Variants in PSAP observed in about 807,000 individuals in gnomAD.
PSAP encodes the protein precursor of saposins.
Under a neutral mutation model 66.0 loss-of-function variants are expected in PSAP, and 25 were observed. The ratio of observed to expected loss-of-function variants is 0.38; its 90% CI spans 0.28 to 0.53. The LOEUF is 0.53. Among genes scored for constraint, PSAP ranks in the 20% least tolerant of loss-of-function variants. The pLI, the probability that PSAP is intolerant of heterozygous loss-of-function variation, is 0.83. For synonymous variants in PSAP, 273 were observed against 258.9 expected (o/e 1.05, Z -0.52); for missense variants, 649 against 668.8 (o/e 0.97, Z 0.33).
At chr10:71,822,324 G>A in intron 7 of PSAP, 1 of 433,014 alleles carries the variant, frequency 2.3e-6, no homozygotes, top group South Asian at 2.1e-5. Flanking sequence ...CACCTGGTCT[G>A]TTCTAGAATG....
intron 1 of PSAP, among the ~76,000 whole-genome samples, chr10:71,841,883 G>A (rs1485799824): frequency 6.6e-6 from 1 of 151,978 alleles, no homozygotes; most frequent in African/African-American, 2.4e-5. Flanking sequence ...GCACACACCT[G>A]TGGTCCCAGC....
intron 6 of PSAP, among the ~76,000 whole-genome samples, chr10:71,826,549 T>C (rs1275829034): frequency 6.6e-6 from 1 of 152,162 alleles, no homozygotes; most frequent in Non-Finnish European, 1.5e-5. Flanking sequence ...AATGAATGAA[T>C]GTTCACCTGA....
chr10:71,830,194 A>G (rs1207281581), intron 4 of PSAP, among the ~76,000 whole-genome samples: 1 of 152,064 alleles, frequency 6.6e-6, no homozygotes, highest in Non-Finnish European at 1.5e-5. Context: ...CCCTCATTCT[A>G]TCCTGCCCAA....
chr10:71,824,041 A>G, intron 7 of PSAP: 1 of 551,690 alleles, frequency 1.8e-6, no homozygotes, highest in East Asian at 6.8e-5. Flanking sequence ...TCTTGCAATC[A>G]GATCTTAGCA....
At chr10:71,829,099 C>A (rs1842460607) in intron 4 of PSAP, 22 bp from the exon 5 acceptor site, 3 of 1,606,758 alleles carry the variant, frequency 1.9e-6, no homozygotes, top group Non-Finnish European at 2.6e-6. Flanking sequence ...GAAAGAAGTC[C>A]TGCTGAAAAT....
chr10:71,833,029 AAACAAAAAAC>A lies in PSAP; in HGVS notation c.175-1119_175-1110del, dbSNP rs1404857869. 8.8e-5 allele frequency among the ~76,000 whole-genome samples: 11 copies of A among 125,146 alleles called. 1 individual carries two copies. Among genetic ancestry groups the A allele is most frequent in the South Asian group, 2.3e-4 (1 of 4,284 alleles). 82.1% of individuals were successfully genotyped at this position (125,146 alleles called of 152,430 possible). A position where few individuals can be genotyped will look rare whatever the true frequency, so the allele number is the denominator to read the frequency against. On this transcript the variant is annotated intron_variant, in intron 2 of 13. Transcript: ENST00000394936. ...GAGAGTCCATCTCAAAAAAAAAAAA[AAACAAAAAAC>A]AAAAACAGAAGGCCGGGCCATGACA...
At chr10:71,840,987 C>T (rs898096095) in intron 1 of PSAP, among the ~76,000 whole-genome samples, 2 of 152,240 alleles carry the variant, frequency 1.3e-5, no homozygotes, top group Non-Finnish European at 2.9e-5. Context: ...TCTTCCAAAG[C>T]ATCAACATAT....
rs768077397 is a variant in PSAP, at chr10:71,834,513, G to GAAAACCAAC, written c.41-17_41-9dup. The GAAAACCAAC allele has an allele frequency of 5.0e-6, 8 of 1,613,400 alleles. No individual in the cohort carries two copies. The African/African-American group carries it at 9.3e-5, about 19-fold the overall frequency. ...GGACCGGGCCGGCTAGAGCTAAAATGAAAACCAACGTGAGGAGGTGGCCCA... is the reference window on the plus strand; with the variant it reads ...GGACCGGGCCGGCTAGAGCTAAAATGAAAACCAACAAAACCAACGTGAGGAGGTGGCCCA... On this transcript the variant is annotated splice_polypyrimidine_tract_variant and intron_variant, in intron 1 of 13. Coordinates refer to ENST00000394936, the MANE Select transcript of PSAP (RefSeq NM_002778.4).
chr10:71,847,572 C>A (rs1257966291), intron 1 of PSAP, among the ~76,000 whole-genome samples: 1 of 151,818 alleles, frequency 6.6e-6, no homozygotes, highest in Non-Finnish European at 1.5e-5. Flanking sequence ...AGGCTTCTCC[C>A]TTTCGGATGC....
chr10:71,825,944 AAACCC>A, intron 6 of PSAP, 51 bp from the exon 7 acceptor site: 1 of 1,513,988 alleles, frequency 6.6e-7, no homozygotes, highest in South Asian at 1.1e-5. Flanking sequence ...CAATGCACCA[AAACCC>A]AACCAACAAA....
At chr10:71,850,150 CTA>C (rs765879620) in intron 1 of PSAP, among the ~76,000 whole-genome samples, 51 of 152,174 alleles carry the variant, frequency 3.4e-4, no homozygotes, top group Non-Finnish European at 4.3e-4. Context: ...AATCCACATT[CTA>C]TAGAGAATCC....
rs199602243 is a variant in PSAP, at chr10:71,817,425, T to A, written c.*16A>T. The A allele has an allele frequency of 2.2e-5, 35 of 1,613,806 alleles. No homozygotes were observed. In the East Asian group the frequency reaches 7.1e-4, roughly 33 times the overall value. On this transcript the variant is annotated 3_prime_UTR_variant, in exon 14 of 14. Transcript: ENST00000394936. ...ACCAATGCTGTGGTTTCTGCCAAGA[T>A]GGAATATTCCTCCTCCTAGTTCCAC...
At chr10:71,822,950 A>AAAAT (rs35027678) in intron 7 of PSAP, among the ~76,000 whole-genome samples, 20,514 of 149,760 alleles carry the variant, frequency 0.14, 1,771 homozygotes, top group East Asian at 0.36. Flanking sequence ...TTAAGAATGA[A>AAAAT]AAATAAATAA....
At chr10:71,830,888 C>T (rs554786526) in intron 4 of PSAP, among the ~76,000 whole-genome samples, 2 of 152,310 alleles carry the variant, frequency 1.3e-5, no homozygotes, top group Admixed American at 1.3e-4. Context: ...GGTTTACATT[C>T]CTTCAGCAGT....
intron 1 of PSAP, among the ~76,000 whole-genome samples, chr10:71,839,564 A>G (rs1842692347): frequency 6.6e-6 from 1 of 152,182 alleles, no homozygotes; most frequent in African/African-American, 2.4e-5. Flanking sequence ...TTAAAGACAT[A>G]GATTTCAGGG....
rs529038899 is a variant in PSAP at position 71,822,122 on chromosome 10, C to T, written c.778-115G>A. 4.3e-6 allele frequency: 6 copies of T among 1,401,234 alleles called. No individual in the cohort carries two copies. The South Asian group carries it at 5.9e-5, about 14-fold the overall frequency. The allele number at this position is 1,401,234 out of a possible 1,614,324, so 86.8% of individuals were successfully genotyped here. A position where few individuals can be genotyped will look rare whatever the true frequency, so the allele number is the denominator to read the frequency against. On this transcript the variant is annotated intron_variant, in intron 7 of 13. Coordinates refer to ENST00000394936, the MANE Select transcript of PSAP (RefSeq NM_002778.4). ...GCACCCTGGGCCCAGGTCAAGGCTA[C>T]CTCCCTCTCCCCCTCCCACAACGGG... is the stretch of plus-strand genomic sequence containing the variant.
chr10:71,847,074 T>C (rs188785996), intron 1 of PSAP, among the ~76,000 whole-genome samples: 48 of 152,026 alleles, frequency 3.2e-4, no homozygotes, highest in Middle Eastern at 3.4e-3. Context: ...ACCAAGAAAA[T>C]GGAAGACCAA....
Position 71,829,061 on chromosome 10 carries a change from A to G in PSAP, c.392T>C (p.Val131Ala), listed in dbSNP as rs1247272950. The G allele has an allele frequency of 1.2e-6, 2 of 1,613,602 alleles. No individual in the cohort carries two copies. ...IKGEMSRPGE[V>A]CSALNLCESL... is the part of the protein sequence containing the mutation. ...CTCGCAGAGGTTGAGAGCAGAGCACACCTCCCCAGGACGGCTCTGGTGGGA... is the reference window on the plus strand; with the variant it reads ...CTCGCAGAGGTTGAGAGCAGAGCACGCCTCCCCAGGACGGCTCTGGTGGGA... The change falls in exon 5 of 14, where the codon GTG becomes GCG. Residue 131 changes from valine to alanine, a missense_variant. By Grantham distance (64) the Val-to-Ala change is moderately conservative. Coordinates refer to ENST00000394936, the MANE Select transcript of PSAP (RefSeq NM_002778.4).
chr10:71,835,463 TC>T (rs913837386), intron 1 of PSAP, among the ~76,000 whole-genome samples: 5 of 151,918 alleles, frequency 3.3e-5, no homozygotes, highest in African/African-American at 1.2e-4. Flanking sequence ...TCCCAGCTAC[TC>T]GAGAGACTGA....
Sources: allele counts gnomAD v4.1 joint callset (sites outside exome capture counted in the v4.1 genomes callset), GRCh38; gene constraint gnomAD v4.1.1; transcripts MANE v1.5; gene names NCBI Gene and HGNC (gene_info 2026-07-23, HGNC 2026-07-21).